SELE: variants seen among roughly 807,000 people sequenced by gnomAD.
The protein encoded by SELE is selectin E, also known as E-selectin.
SELE carries 52 observed loss-of-function variants against 75.8 expected under a neutral mutation model. That is an observed-to-expected ratio of 0.69 (90% CI 0.55 to 0.86). SELE has a LOEUF of 0.86. Among genes scored for constraint, SELE ranks in the 40% least tolerant of loss-of-function variants. The pLI is 0.00. For synonymous variants in SELE, 285 were observed against 258.7 expected, an observed-to-expected ratio of 1.10 and a Z score of -0.98; for missense variants, 754 against 732.7, an observed-to-expected ratio of 1.03 and a Z score of -0.34.
chr1:169,732,710 T>C lies in SELE; in HGVS notation c.326A>G (p.Glu109Gly), dbSNP rs200854877. 5.2e-5 allele frequency: 84 copies of C among 1,612,508 alleles called. No individual in the cohort carries two copies. The highest frequency in any genetic ancestry group is 1.4e-5 in the Non-Finnish European group (17 of 1,179,482). Residue 109 changes from glutamate (E) to glycine (G), a missense_variant, in exon 3 of 14, where the codon GAG becomes GGG. Physicochemically the swap from Glu to Gly is moderately conservative, Grantham distance 98. Coordinates refer to ENST00000333360, the MANE Select transcript of SELE (RefSeq NM_000450.2). ...PGEPNNRQKD[E>G]DCVEIYIKRE... ...CTTGATGTAGATCTCCACGCAGTCC[T>C]CATCTTTTTGCCTATTGTTGGGTTC...
chr1:169,725,318 G>T (rs185612988), intron 13 of SELE, among the ~76,000 whole-genome samples: 5 of 151,988 alleles, frequency 3.3e-5, no homozygotes, highest in Non-Finnish European at 4.4e-5. Context: ...AGGAGGTGGA[G>T]GTTGCAGTGA....
At chr1:169,727,043 A>G (rs904631131) in intron 10 of SELE, among the ~76,000 whole-genome samples, 2 of 152,046 alleles carry the variant, frequency 1.3e-5, no homozygotes, top group African/African-American at 2.4e-5. Context: ...CGTTCACAAT[A>G]CCACACCACA....
chr1:169,726,827 G>C, intron 10 of SELE, 21 bp from the exon 11 acceptor site: 1 of 1,544,300 alleles, frequency 6.5e-7, no homozygotes, highest in Non-Finnish European at 8.9e-7. Flanking sequence ...AAGAGACGAA[G>C]AAAGGTCATG....
chr1:169,732,739 T>C lies in SELE; in HGVS notation c.297A>G (p.Pro99=), dbSNP rs949576487. The change falls in exon 3 of 14, where the codon CCA becomes CCG. Residue 99 remains proline, a synonymous_variant. Coordinates refer to ENST00000333360, the MANE Select transcript of SELE (RefSeq NM_000450.2). ...CTTTTTGCCTATTGTTGGGTTCACC[T>C]GGAGCCCAGTTCTTGGCTTCTTCTG... ...PLTEEAKNWA[P]GEPNNRQKDE... 10 of 1,614,152 alleles carry C rather than the reference T, an allele frequency of 6.2e-6. No individual in the cohort carries two copies. Among genetic ancestry groups the C allele is most frequent in the Middle Eastern group, 3.3e-4 (2 of 6,062 alleles).
At chr1:169,729,867 T>G (rs1648866592) in intron 5 of SELE, among the ~76,000 whole-genome samples, 194 bp from the exon 6 acceptor site, 1 of 152,202 alleles carries the variant, frequency 6.6e-6, no homozygotes, top group Non-Finnish European at 1.5e-5. Flanking sequence ...CTTTTCTGAT[T>G]TCCACTTTGC....
At position 169,729,481 on chromosome 1, in the gene SELE, A is replaced by ACTCT. The variant is rs1254449545; in HGVS notation, c.901+3_901+6dup. 1 of 1,613,546 alleles carries ACTCT rather than the reference A, an allele frequency of 6.2e-7. No homozygotes were observed. The highest frequency in any genetic ancestry group is 1.3e-5 in the African/African-American group (1 of 74,880). On this transcript the variant is annotated splice_region_variant and intron_variant, in intron 6 of 13. Transcript: ENST00000333360. The stretch of plus-strand genomic sequence containing the variant: ...TCACAGTAAGTCTCCATGTGGAACA[A>ACTCT]CTCTACCTTTACACGTTGGCTTCTC...
At chr1:169,726,897 C>T in intron 10 of SELE, 91 bp from the exon 11 acceptor site, 1 of 820,854 alleles carries the variant, frequency 1.2e-6, no homozygotes, top group Non-Finnish European at 2.0e-6. Flanking sequence ...TCTGTACATT[C>T]ATTACTAGGA....
intron 3 of SELE, 112 bp from the exon 4 acceptor site, chr1:169,732,054 C>T: frequency 3.2e-6 from 2 of 621,356 alleles, no homozygotes; most frequent in South Asian, 2.1e-5. Context: ...CTACAGAGTG[C>T]CATAGACTTT....
At chr1:169,733,488 A>G in intron 2 of SELE, 88 bp downstream of exon 2, 2 of 1,318,078 alleles carry the variant, frequency 1.5e-6, no homozygotes, top group Non-Finnish European at 2.2e-6. Context: ...TATCCTGTGC[A>G]GGACAGCCCC....
chr1:169,733,108 A>G (rs1467651634), intron 2 of SELE, 110 bp from the exon 3 acceptor site: 8 of 1,111,330 alleles, frequency 7.2e-6, no homozygotes, highest in Non-Finnish European at 1.0e-5. Flanking sequence ...GACATGGCCC[A>G]GACTTTTCTC....
intron 4 of SELE, among the ~76,000 whole-genome samples, chr1:169,731,108 TACTCAAATTTAA>T (rs56025844): frequency 0.37 from 56,531 of 152,018 alleles, 10,809 homozygotes; most frequent in Middle Eastern, 0.49. Flanking sequence ...TCTGTGTGGC[TACTCAAATTTAA>T]ACTTGAATTC....
At position 169,729,546 on chromosome 1, in the gene SELE, G is replaced by C. The variant is rs757963369; in HGVS notation, c.843C>G (p.Ala281=). Reference sequence around the variant, plus strand: ...CAGATGAGGTACACTGAAGGCTCTGGGCTCCCATTAGTTCAAATCCTTCTT... The same window carrying C: ...CAGATGAGGTACACTGAAGGCTCTGCGCTCCCATTAGTTCAAATCCTTCTT... ...DCEEGFELMG[A]QSLQCTSSGN... is the part of the protein sequence containing the mutation. The change falls in exon 6 of 14, where the codon GCC becomes GCG. Residue 281 remains alanine, a synonymous_variant. Coordinates refer to ENST00000333360, the MANE Select transcript of SELE (RefSeq NM_000450.2). The C allele has an allele frequency of 6.2e-7, 1 of 1,614,150 alleles. No individual in the cohort carries two copies. The highest frequency in any genetic ancestry group is 8.5e-7 in the Non-Finnish European group (1 of 1,180,010).
At chr1:169,730,027 C>CT (rs1276225354) in intron 5 of SELE, among the ~76,000 whole-genome samples, 4 of 151,930 alleles carry the variant, frequency 2.6e-5, no homozygotes, top group Non-Finnish European at 4.4e-5. Flanking sequence ...ACTGATTTTT[C>CT]TTTTTTTGGC....
rs562898871 is a variant in SELE, at chr1:169,722,839, T to C, written c.*1686A>G. 1 of 152,330 alleles carries C rather than the reference T, an allele frequency of 6.6e-6. No homozygotes were observed. Among genetic ancestry groups the C allele is most frequent in the South Asian group, 2.1e-4 (1 of 4,822 alleles). The allele number at this position is 152,330 out of a possible 1,614,324, so 9.4% of individuals were successfully genotyped here. A position where few individuals can be genotyped will look rare whatever the true frequency, so the allele number is the denominator to read the frequency against. On this transcript the variant is annotated 3_prime_UTR_variant, in exon 14 of 14. Coordinates refer to ENST00000333360, the MANE Select transcript of SELE (RefSeq NM_000450.2). ...CAGTTTACATAAATATTTACAACAC[T>C]TAAACAATTTCAAAGAAAATAACAC...
Sources: allele counts gnomAD v4.1 joint callset (sites outside exome capture counted in the v4.1 genomes callset), GRCh38; gene constraint gnomAD v4.1.1; transcripts MANE v1.5; gene names NCBI Gene and HGNC (gene_info 2026-07-23, HGNC 2026-07-21).